SORCS3: variants seen among roughly 807,000 people sequenced by gnomAD.
SORCS3 encodes the protein sortilin related VPS10 domain containing receptor 3.
A neutral mutation model predicts 146.3 loss-of-function variants in SORCS3; 57 were observed. The observed-to-expected ratio is 0.39, with a 90% CI of 0.31 to 0.49. The LOEUF (loss-of-function observed/expected upper bound fraction) is 0.49, where lower values mean the gene tolerates loss of function less well. SORCS3 is among the 20% of genes least tolerant of loss of function. The pLI is 0.92. For synonymous variants in SORCS3, 653 were observed against 618.5 expected (o/e 1.06, Z -0.83); for missense variants, 1,341 against 1,575.5 (o/e 0.85, Z 2.52).
intron 1 of SORCS3, among the ~76,000 whole-genome samples, chr10:104,785,010 C>G (rs1199613761): frequency 9.2e-5 from 14 of 152,124 alleles, no homozygotes; most frequent in Admixed American, 9.2e-4. Context: ...TCCTCACTTC[C>G]CAGTAGGGGC....
At chr10:105,196,746 C>T (rs954551185) in intron 14 of SORCS3, among the ~76,000 whole-genome samples, 1 of 152,188 alleles carries the variant, frequency 6.6e-6, no homozygotes, top group Non-Finnish European at 1.5e-5. Context: ...TCCAGGTTAA[C>T]TAGCCTGAGT....
intron 1 of SORCS3, among the ~76,000 whole-genome samples, chr10:104,710,606 G>T (rs984727913): frequency 4.6e-5 from 7 of 152,168 alleles, no homozygotes; most frequent in African/African-American, 1.4e-4. Context: ...AAGTGACGAA[G>T]AACATTTCAG....
At chr10:104,796,157 C>T (rs2017552455) in intron 1 of SORCS3, among the ~76,000 whole-genome samples, 1 of 152,210 alleles carries the variant, frequency 6.6e-6, no homozygotes, top group Non-Finnish European at 1.5e-5. Context: ...TGTGTTCTCA[C>T]ATTTGGGTTT....
chr10:105,237,151 A>G (rs981771133), intron 20 of SORCS3, among the ~76,000 whole-genome samples: 1 of 152,194 alleles, frequency 6.6e-6, no homozygotes, highest in Non-Finnish European at 1.5e-5. Context: ...TTTGTTCCCA[A>G]AGAACCAAGA....
chr10:104,971,598 C>A (rs2054860939), intron 3 of SORCS3, among the ~76,000 whole-genome samples: 2 of 152,112 alleles, frequency 1.3e-5, no homozygotes, highest in Non-Finnish European at 2.9e-5. Context: ...GAAGCATCTT[C>A]CAGGCAGCTC....
chr10:105,176,563 A>T (rs928491433), intron 13 of SORCS3, among the ~76,000 whole-genome samples: 2 of 151,806 alleles, frequency 1.3e-5, no homozygotes, highest in Admixed American at 1.3e-4. Flanking sequence ...CTTTAAAAAA[A>T]CAAAAAACAT....
At chr10:104,791,834 A>G (rs2017498707) in intron 1 of SORCS3, among the ~76,000 whole-genome samples, 1 of 152,166 alleles carries the variant, frequency 6.6e-6, no homozygotes, top group Non-Finnish European at 1.5e-5. Flanking sequence ...TCCATTCATA[A>G]GCAGATTAGT....
At chr10:104,942,648 A>C (rs1413900902) in intron 3 of SORCS3, among the ~76,000 whole-genome samples, 1 of 152,226 alleles carries the variant, frequency 6.6e-6, no homozygotes, top group Non-Finnish European at 1.5e-5. Flanking sequence ...TTCAAAAATC[A>C]AATGTAATTT....
chr10:104,666,049 G>A (rs1380060570), intron 1 of SORCS3: 1 of 152,114 alleles, frequency 6.6e-6, no homozygotes, highest in Non-Finnish European at 1.5e-5. Flanking sequence ...AACAATTCTT[G>A]TCTTGGTGAG....
chr10:104,705,346 A>ATTTTTTT (rs2016324843), intron 1 of SORCS3, among the ~76,000 whole-genome samples: 1 of 150,632 alleles, frequency 6.6e-6, no homozygotes, highest in Non-Finnish European at 1.5e-5. Flanking sequence ...TTTTCATGGA[A>ATTTTTTT]TAGAAACCAA....
chr10:105,049,694 T>C (rs1377898867), intron 5 of SORCS3, among the ~76,000 whole-genome samples: 1 of 152,106 alleles, frequency 6.6e-6, no homozygotes, highest in African/African-American at 2.4e-5. Flanking sequence ...GAGGCCATAA[T>C]TCTAAGTGAA....
chr10:104,765,393 C>G (rs2017167879), intron 1 of SORCS3, among the ~76,000 whole-genome samples: 1 of 152,198 alleles, frequency 6.6e-6, no homozygotes, highest in African/African-American at 2.4e-5. Flanking sequence ...GTCTCCAACT[C>G]CTAAGTAGTT....
chr10:104,884,602 T>C (rs984502150), intron 2 of SORCS3, among the ~76,000 whole-genome samples: 9 of 152,134 alleles, frequency 5.9e-5, no homozygotes, highest in Admixed American at 5.2e-4. Context: ...GTATGGGAAG[T>C]GTGTGAAAGT....
intron 3 of SORCS3, among the ~76,000 whole-genome samples, chr10:104,946,284 C>T (rs890163843): frequency 6.6e-6 from 1 of 151,918 alleles, no homozygotes; most frequent in African/African-American, 2.4e-5. Context: ...CTTGTTTCTG[C>T]TTTGGTGCTT....
chr10:105,061,233 G>A (rs1158813513), intron 5 of SORCS3, among the ~76,000 whole-genome samples: 2 of 151,232 alleles, frequency 1.3e-5, no homozygotes, highest in Non-Finnish European at 2.9e-5. Flanking sequence ...AGTTCTCTGA[G>A]TAGTTTTGTG....
intron 20 of SORCS3, among the ~76,000 whole-genome samples, chr10:105,242,432 A>ATATTTATATATT (rs1564793366): frequency 4.1e-4 from 35 of 85,942 alleles, no homozygotes; most frequent in East Asian, 1.8e-3. Flanking sequence ...ATATATTTAT[A>ATATTTATATATT]CATATATTTA....
At chr10:104,797,311 C>T (rs1339153573) in intron 1 of SORCS3, among the ~76,000 whole-genome samples, 1 of 152,134 alleles carries the variant, frequency 6.6e-6, no homozygotes, top group East Asian at 1.9e-4. Context: ...TTTGTTAAAT[C>T]AAAATGGAGT....
intron 9 of SORCS3, among the ~76,000 whole-genome samples, chr10:105,150,105 A>G (rs2056158113): frequency 6.6e-6 from 1 of 152,112 alleles, no homozygotes; most frequent in African/African-American, 2.4e-5. Context: ...CTTAGTTTTT[A>G]CCTTCAGAGA....
chr10:105,240,559 T>C (rs896559892), intron 20 of SORCS3, among the ~76,000 whole-genome samples: 3 of 152,224 alleles, frequency 2.0e-5, no homozygotes, highest in Non-Finnish European at 2.9e-5. Flanking sequence ...ATCTTGATGC[T>C]TTATTCATTT....
Sources: gnomAD v4.1 joint callset for allele counts (sites outside exome capture counted in the v4.1 genomes callset) on GRCh38, gnomAD v4.1.1 for gene constraint, MANE v1.5 for transcripts, NCBI Gene and HGNC (gene_info 2026-07-23, HGNC 2026-07-21) for gene names.